Variants in DEPDC1B observed in about 807,000 individuals in gnomAD.
DEPDC1B encodes DEP domain-containing protein 1B.
In DEPDC1B, 51 loss-of-function variants were observed where a neutral mutation model predicts 66.5. That is an observed-to-expected ratio of 0.77 (90% CI 0.61 to 0.97). The LOEUF is 0.97. DEPDC1B is among the 50% of genes least tolerant of loss of function. DEPDC1B has a pLI of 0.00. For synonymous variants in DEPDC1B, 226 were observed against 223.6 expected (o/e 1.01, Z -0.10); for missense variants, 552 against 637.1 (o/e 0.87, Z 1.44).
rs1017885992 is a variant in DEPDC1B at position 60,604,241 on chromosome 5, T to A, written c.1066-674A>T. On this transcript the variant is annotated intron_variant, in intron 8 of 10. Coordinates refer to ENST00000265036, the MANE Select transcript of DEPDC1B (RefSeq NM_018369.3). ...TTCTTTTTTTTTTTTTTTTTTTTTT[T>A]ACGGAGTCTCGCTCTGTAACCTATG... 4.9e-5 allele frequency among the ~76,000 whole-genome samples: 7 copies of A among 143,198 alleles called. No homozygotes were observed. In the East Asian group the frequency reaches 1.4e-3, roughly 29 times the overall value. 93.9% of individuals were successfully genotyped at this position (143,198 alleles called of 152,430 possible).
intron 7 of DEPDC1B, among the ~76,000 whole-genome samples, chr5:60,633,671 G>A (rs755850529): frequency 5.9e-5 from 9 of 152,166 alleles, no homozygotes; most frequent in Non-Finnish European, 1.2e-4. Flanking sequence ...TAAATCACCA[G>A]CCTGTAGATT....
At chr5:60,642,169 T>G (rs1219302977) in intron 6 of DEPDC1B, among the ~76,000 whole-genome samples, 2 of 152,222 alleles carry the variant, frequency 1.3e-5, no homozygotes, top group Non-Finnish European at 2.9e-5. Flanking sequence ...ACTACTACCT[T>G]GTGGTATCTG....
At chr5:60,618,695 A>G (rs1230813572) in intron 7 of DEPDC1B, among the ~76,000 whole-genome samples, 1 of 152,208 alleles carries the variant, frequency 6.6e-6, no homozygotes, top group Non-Finnish European at 1.5e-5. Flanking sequence ...TCACAGCCAA[A>G]TTCTACCACA....
At chr5:60,688,946 C>A (rs1392036884) in intron 1 of DEPDC1B, 3 of 447,454 alleles carry the variant, frequency 6.7e-6, no homozygotes, top group Non-Finnish European at 1.3e-5. Context: ...AAATCAAGTA[C>A]ATACTAACTC....
chr5:60,628,076 A>G (rs533400701), intron 7 of DEPDC1B: 1 of 152,338 alleles, frequency 6.6e-6, no homozygotes, highest in South Asian at 2.1e-4. Flanking sequence ...CAGGGAAACA[A>G]TCATTTAGCT....
At chr5:60,693,954 TTAC>T (rs1754601429) in intron 1 of DEPDC1B, among the ~76,000 whole-genome samples, 1 of 152,140 alleles carries the variant, frequency 6.6e-6, no homozygotes, top group African/African-American at 2.4e-5. Flanking sequence ...ACCTTATGCA[TTAC>T]ATAAACATAA....
chr5:60,655,760 A>C (rs1253539564), intron 2 of DEPDC1B, among the ~76,000 whole-genome samples: 1 of 149,144 alleles, frequency 6.7e-6, no homozygotes, highest in Non-Finnish European at 1.5e-5. Flanking sequence ...ATTCAATACA[A>C]TGAATTTTCC....
rs1333348250 is a variant in DEPDC1B, at chr5:60,599,220, G to T, written c.1283C>A (p.Ala428Asp). 4 of 1,611,786 alleles carry T rather than the reference G, an allele frequency of 2.5e-6. No individual in the cohort carries two copies. In the African/African-American group the frequency reaches 5.4e-5, roughly 22 times the overall value. The change falls in exon 10 of 11, where the codon GCT becomes GAT. Residue 428 changes from alanine (A) to aspartate (D), a missense_variant. Ala to Asp is a moderately radical substitution (Grantham distance 126, BLOSUM62 -2). Coordinates refer to ENST00000265036, the MANE Select transcript of DEPDC1B (RefSeq NM_018369.3). ...PGADMDITLS[A>D]PSFCRQISPE... ...ACTAATTTGACGGCAAAATGATGGA[G>T]CAGATAAAGTGATATCCATATCAGC...
chr5:60,668,658 C>G (rs1476562966), intron 2 of DEPDC1B, among the ~76,000 whole-genome samples: 1 of 152,052 alleles, frequency 6.6e-6, no homozygotes, highest in Admixed American at 6.5e-5. Flanking sequence ...CCAGGCATTT[C>G]CAGATGTGGA....
chr5:60,659,399 C>T (rs1753655569), intron 2 of DEPDC1B, among the ~76,000 whole-genome samples: 1 of 152,174 alleles, frequency 6.6e-6, no homozygotes. Flanking sequence ...CACCTGTCAG[C>T]CAGTTAAAAA....
intron 7 of DEPDC1B, among the ~76,000 whole-genome samples, chr5:60,619,550 CA>C (rs970369510): frequency 1.3e-5 from 2 of 151,938 alleles, no homozygotes; most frequent in African/African-American, 4.8e-5. Context: ...TTGCTTCAAA[CA>C]GAATAAAATA....
rs960361103 is a variant in DEPDC1B, at chr5:60,597,382, T to G, written c.*371A>C. On this transcript the variant is annotated 3_prime_UTR_variant, in exon 11 of 11. Coordinates refer to ENST00000265036, the MANE Select transcript of DEPDC1B (RefSeq NM_018369.3). ...ACACGCTATTTTTAAGACTTAAAAT[T>G]AAGTCTTAAGGCTATAATAAAGATA... The G allele has an allele frequency of 6.0e-6, 1 of 165,714 alleles. No homozygotes were observed. The highest frequency in any genetic ancestry group is 1.3e-5 in the Non-Finnish European group (1 of 77,516). The allele number at this position is 165,714 out of a possible 1,614,324, so 10.3% of individuals were successfully genotyped here.
chr5:60,673,149 G>C (rs2111990770), intron 2 of DEPDC1B, among the ~76,000 whole-genome samples: 1 of 152,174 alleles, frequency 6.6e-6, no homozygotes, highest in South Asian at 2.1e-4. Context: ...TTCCTTCCCT[G>C]ACACACACCT....
chr5:60,667,117 A>C (rs983393124), intron 2 of DEPDC1B, among the ~76,000 whole-genome samples: 58 of 152,226 alleles, frequency 3.8e-4, no homozygotes, highest in Non-Finnish European at 6.9e-4. Context: ...ATTAAACATA[A>C]GGCACAAAAA....
In DEPDC1B at chr5:60,686,993, C is replaced by T. The variant is rs143103554; in HGVS notation, c.283G>A (p.Glu95Lys). The T allele has an allele frequency of 9.9e-6, 16 of 1,614,218 alleles. No individual in the cohort carries two copies. The highest frequency in any genetic ancestry group is 1.4e-5 in the Non-Finnish European group (16 of 1,180,042). ...IEDIKGKWGE[E>K]DFEDNRHLYR... The stretch of plus-strand genomic sequence containing the variant: ...AAGTGACGATTGTCTTCAAAATCTT[C>T]CTCACCCCATTTTCCCTTGATGTCT... The change falls in exon 2 of 11, where the codon GAA becomes AAA. Residue 95 changes from glutamate (E) to lysine (K), a missense_variant. By Grantham distance (56) the Glu-to-Lys change is moderately conservative (BLOSUM62 1). Transcript: ENST00000265036.
chr5:60,686,926 A>G, intron 2 of DEPDC1B, 36 bp downstream of exon 2: 1 of 1,608,690 alleles, frequency 6.2e-7, no homozygotes, highest in Non-Finnish European at 8.5e-7. Flanking sequence ...TCATCTCCCC[A>G]ATTCCTCACC....
intron 2 of DEPDC1B, among the ~76,000 whole-genome samples, chr5:60,648,374 G>C (rs749714705): frequency 1.3e-4 from 20 of 152,162 alleles, no homozygotes; most frequent in Non-Finnish European, 2.6e-4. Flanking sequence ...CATGTGTCCT[G>C]ACGCTTCTCT....
chr5:60,649,867 A>T (rs1753403883), intron 2 of DEPDC1B, among the ~76,000 whole-genome samples: 1 of 152,104 alleles, frequency 6.6e-6, no homozygotes, highest in Non-Finnish European at 1.5e-5. Flanking sequence ...TCTTAAACTC[A>T]GGTTCAAGCA....
At chr5:60,656,150 T>A (rs963763527) in intron 2 of DEPDC1B, among the ~76,000 whole-genome samples, 2 of 144,922 alleles carry the variant, frequency 1.4e-5, no homozygotes, top group Admixed American at 6.8e-5. Flanking sequence ...TAAGGTATAG[T>A]TTAAGTCCAT....
Sources: allele counts gnomAD v4.1 joint callset (sites outside exome capture counted in the v4.1 genomes callset), GRCh38; gene constraint gnomAD v4.1.1; transcripts MANE v1.5; gene names NCBI Gene and HGNC (gene_info 2026-07-23, HGNC 2026-07-21).